ELMO1: variants seen among roughly 807,000 people sequenced by gnomAD.
The protein encoded by ELMO1 is engulfment and cell motility protein 1.
ELMO1 carries 26 observed loss-of-function variants against 98.9 expected under a neutral mutation model. The ratio of observed to expected loss-of-function variants is 0.26; its 90% CI spans 0.19 to 0.36. The LOEUF (loss-of-function observed/expected upper bound fraction) is 0.36, where lower values mean the gene tolerates loss of function less well. Ranked by LOEUF, ELMO1 falls within the 10% of genes least tolerant of loss-of-function variation. The probability of loss-of-function intolerance (pLI) is 1.00; values close to 1 mark genes in which losing one functional copy is unlikely to be tolerated. For missense variants in ELMO1, 627 were observed against 935.2 expected (o/e 0.67, Z 4.30); for synonymous variants, 346 against 346.0 (o/e 1.00, Z 0.00).
At chr7:37,383,769 G>A (rs1286529498) in intron 1 of ELMO1, among the ~76,000 whole-genome samples, 1 of 152,164 alleles carries the variant, frequency 6.6e-6, no homozygotes, top group Non-Finnish European at 1.5e-5. Flanking sequence ...ACATTTAAAA[G>A]GATACACGTT....
chr7:36,980,535 C>G (rs979673310), intron 16 of ELMO1, among the ~76,000 whole-genome samples: 1 of 152,188 alleles, frequency 6.6e-6, no homozygotes, highest in Non-Finnish European at 1.5e-5. Context: ...AACTTAGATG[C>G]TAAGCTAGAA....
At chr7:37,423,870 C>T (rs751176738) in intron 1 of ELMO1, among the ~76,000 whole-genome samples, 41 of 152,172 alleles carry the variant, frequency 2.7e-4, no homozygotes, top group Non-Finnish European at 5.6e-4. Context: ...CCAGAGAAGT[C>T]GCATGTCTAA....
At chr7:37,127,408 A>G (rs563452604) in intron 14 of ELMO1, among the ~76,000 whole-genome samples, 2 of 152,144 alleles carry the variant, frequency 1.3e-5, no homozygotes, top group South Asian at 2.1e-4. Context: ...TTCCCTCATC[A>G]TACTCCAAGC....
At chr7:37,075,147 A>ATT (rs113966386) in intron 15 of ELMO1, among the ~76,000 whole-genome samples, 52 of 140,156 alleles carry the variant, frequency 3.7e-4, no homozygotes, top group African/African-American at 9.5e-4. Context: ...TTCATTTGGA[A>ATT]TTTTTTTTTT....
At chr7:37,187,434 G>A (rs945587524) in intron 13 of ELMO1, among the ~76,000 whole-genome samples, 1 of 152,140 alleles carries the variant, frequency 6.6e-6, no homozygotes, top group Non-Finnish European at 1.5e-5. Context: ...TTTTAGATGA[G>A]TGAATTATAT....
At chr7:37,156,702 G>A (rs1788791438) in intron 13 of ELMO1, among the ~76,000 whole-genome samples, 1 of 152,110 alleles carries the variant, frequency 6.6e-6, no homozygotes, top group Non-Finnish European at 1.5e-5. Flanking sequence ...AAAAGTCCAG[G>A]ACCAGAAAGA....
intron 17 of ELMO1, among the ~76,000 whole-genome samples, chr7:36,893,193 GT>G: frequency 6.6e-6 from 1 of 152,172 alleles, no homozygotes; most frequent in African/African-American, 2.4e-5. Context: ...ATAATAAAGT[GT>G]CCTACGTTTA....
chr7:37,360,917 T>C (rs928740148), intron 1 of ELMO1, among the ~76,000 whole-genome samples: 1 of 128,208 alleles, frequency 7.8e-6, no homozygotes, highest in Non-Finnish European at 1.6e-5. Flanking sequence ...CACATTAAAA[T>C]ATGAGTGACA....
At chr7:36,898,825 G>T (rs2129057492) in intron 16 of ELMO1, among the ~76,000 whole-genome samples, 1 of 152,320 alleles carries the variant, frequency 6.6e-6, no homozygotes, top group South Asian at 2.1e-4. Context: ...CCCTGTGCCG[G>T]ATGAGCTCTC....
At chr7:36,863,302 G>A (rs555330455) in intron 20 of ELMO1, among the ~76,000 whole-genome samples, 3 of 152,270 alleles carry the variant, frequency 2.0e-5, no homozygotes, top group East Asian at 1.9e-4. Flanking sequence ...AAGGAAGGGC[G>A]CCGAAACAAG....
intron 14 of ELMO1, among the ~76,000 whole-genome samples, chr7:37,107,725 G>T (rs752708785): frequency 2.6e-5 from 4 of 152,224 alleles, no homozygotes; most frequent in African/African-American, 4.8e-5. Context: ...TGTCTGAACA[G>T]TTACTGCTGT....
chr7:36,863,613 C>T (rs1802804448), intron 20 of ELMO1, among the ~76,000 whole-genome samples: 1 of 152,096 alleles, frequency 6.6e-6, no homozygotes, highest in Admixed American at 6.5e-5. Context: ...ATAAATTAGC[C>T]ACCAAGGGAA....
At chr7:37,372,856 T>C (rs1257043353) in intron 1 of ELMO1, among the ~76,000 whole-genome samples, 1 of 152,220 alleles carries the variant, frequency 6.6e-6, no homozygotes, top group African/African-American at 2.4e-5. Flanking sequence ...ATTATCTATT[T>C]TTCCAACCTG....
intron 16 of ELMO1, among the ~76,000 whole-genome samples, chr7:36,896,474 G>T (rs752401625): frequency 6.6e-6 from 1 of 152,200 alleles, no homozygotes. Context: ...GACTCTGTTG[G>T]CAGGTAGATA....
At chr7:36,883,904 A>G (rs187416170) in intron 18 of ELMO1, among the ~76,000 whole-genome samples, 7 of 152,304 alleles carry the variant, frequency 4.6e-5, no homozygotes, top group African/African-American at 1.7e-4. Context: ...AAGCCAGGCA[A>G]TTTCCATGCC....
chr7:37,172,162 G>C (rs1187736480), intron 13 of ELMO1, among the ~76,000 whole-genome samples: 4 of 152,092 alleles, frequency 2.6e-5, no homozygotes, highest in Non-Finnish European at 5.9e-5. Context: ...TGGAGGAAAA[G>C]AAAAAGCAAT....
intron 15 of ELMO1, among the ~76,000 whole-genome samples, chr7:37,062,809 C>A (rs1796737377): frequency 6.6e-6 from 1 of 152,140 alleles, no homozygotes; most frequent in Non-Finnish European, 1.5e-5. Flanking sequence ...TTAGGTCGAA[C>A]TTTGTATTAA....
chr7:37,141,319 T>C (rs1459372979), intron 13 of ELMO1, among the ~76,000 whole-genome samples: 2 of 152,136 alleles, frequency 1.3e-5, no homozygotes, highest in Non-Finnish European at 1.5e-5. Context: ...CTCACTCATG[T>C]GGGAGCTAAG....
At chr7:37,412,220 A>C (rs1804020330) in intron 1 of ELMO1, among the ~76,000 whole-genome samples, 1 of 152,238 alleles carries the variant, frequency 6.6e-6, no homozygotes, top group Admixed American at 6.5e-5. Context: ...CTCCAAAAGA[A>C]AAAAATCACA....
Sources: gnomAD v4.1 joint callset for allele counts (sites outside exome capture counted in the v4.1 genomes callset) on GRCh38, gnomAD v4.1.1 for gene constraint, MANE v1.5 for transcripts, NCBI Gene and HGNC (gene_info 2026-07-23, HGNC 2026-07-21) for gene names.